XYLT1: variants seen among roughly 807,000 people sequenced by gnomAD.
The protein encoded by XYLT1 is xylosyltransferase 1, also known as beta-D-xylosyltransferase 1.
A neutral mutation model predicts 91.3 loss-of-function variants in XYLT1; 36 were observed. The observed-to-expected ratio is 0.39, with a 90% CI of 0.30 to 0.52. The LOEUF is 0.52. XYLT1 is among the 20% of genes least tolerant of loss of function. The pLI is 0.68. For synonymous variants in XYLT1, 588 were observed against 532.0 expected, an observed-to-expected ratio of 1.11 and a Z score of -1.45; for missense variants, 1,242 against 1,284.5, an observed-to-expected ratio of 0.97 and a Z score of 0.51.
chr16:17,237,115 T>C (rs1428626559), intron 3 of XYLT1, among the ~76,000 whole-genome samples: 1 of 152,198 alleles, frequency 6.6e-6, no homozygotes, highest in Non-Finnish European at 1.5e-5. Context: ...TTTGGGGATT[T>C]AAAAGATGAA....
intron 2 of XYLT1, among the ~76,000 whole-genome samples, chr16:17,328,548 CAAAAAA>C (rs71373105): frequency 3.3e-4 from 17 of 51,250 alleles, no homozygotes; most frequent in South Asian, 1.0e-3. Context: ...GACTCCTTCT[CAAAAAA>C]AAAAAAAAAA....
At chr16:17,205,129 T>C (rs997567575) in intron 3 of XYLT1, among the ~76,000 whole-genome samples, 1 of 152,242 alleles carries the variant, frequency 6.6e-6, no homozygotes, top group African/African-American at 2.4e-5. Context: ...ATATCAAGTA[T>C]ATTTTTGCAG....
chr16:17,451,739 T>C (rs1406297149), intron 1 of XYLT1, among the ~76,000 whole-genome samples: 2 of 152,126 alleles, frequency 1.3e-5, no homozygotes, highest in Non-Finnish European at 2.9e-5. Flanking sequence ...CTTAGTGAGA[T>C]AGAAGACTCT....
chr16:17,333,139 T>C (rs1008086055), intron 2 of XYLT1, among the ~76,000 whole-genome samples: 2 of 152,318 alleles, frequency 1.3e-5, no homozygotes, highest in African/African-American at 4.8e-5. Flanking sequence ...TTTCTCTGGC[T>C]CAACTCTGAC....
chr16:17,110,182 TCTC>T (rs941637114), intron 11 of XYLT1, among the ~76,000 whole-genome samples: 8 of 152,218 alleles, frequency 5.3e-5, no homozygotes, highest in African/African-American at 1.9e-4. Context: ...ATGCCTTCCT[TCTC>T]ACTTTGTGAG....
chr16:17,437,895 G>T (rs534955821), intron 1 of XYLT1, among the ~76,000 whole-genome samples: 1 of 152,258 alleles, frequency 6.6e-6, no homozygotes, highest in African/African-American at 2.4e-5. Flanking sequence ...GTTGCCGCAC[G>T]GTGCAGTCAG....
At chr16:17,363,770 C>T (rs2035412813) in intron 1 of XYLT1, among the ~76,000 whole-genome samples, 1 of 152,212 alleles carries the variant, frequency 6.6e-6, no homozygotes, top group African/African-American at 2.4e-5. Flanking sequence ...TCTTGAACTC[C>T]TGACCTCAAG....
intron 5 of XYLT1, among the ~76,000 whole-genome samples, chr16:17,166,441 G>C (rs149734455): frequency 6.6e-6 from 1 of 152,206 alleles, no homozygotes; most frequent in African/African-American, 2.4e-5. Context: ...CCGGTATGCA[G>C]GGTTCATCTC....
chr16:17,304,322 A>G (rs2034441351), intron 2 of XYLT1, among the ~76,000 whole-genome samples: 2 of 152,192 alleles, frequency 1.3e-5, no homozygotes, highest in African/African-American at 4.8e-5. Context: ...AGGCACAGGT[A>G]AGGGCAGGTG....
intron 3 of XYLT1, among the ~76,000 whole-genome samples, chr16:17,234,583 C>G (rs1321788964): frequency 6.6e-6 from 1 of 150,688 alleles, no homozygotes; most frequent in Non-Finnish European, 1.5e-5. Flanking sequence ...TCATTGACTA[C>G]TCTTTTTTTT....
intron 1 of XYLT1, among the ~76,000 whole-genome samples, chr16:17,451,067 G>A (rs2036659603): frequency 6.6e-6 from 1 of 152,158 alleles, no homozygotes; most frequent in South Asian, 2.1e-4. Flanking sequence ...GAAGGTTGTT[G>A]GACAGAGTGA....
chr16:17,337,652 A>G (rs2035000703), intron 2 of XYLT1, among the ~76,000 whole-genome samples: 1 of 152,076 alleles, frequency 6.6e-6, no homozygotes, highest in Non-Finnish European at 1.5e-5. Flanking sequence ...AAAACATCAC[A>G]AGAGGTTGTG....
chr16:17,199,470 T>C lies in XYLT1; in HGVS notation c.1086+1012A>G, dbSNP rs551545864. Among the ~76,000 whole-genome samples, 36 of 152,290 alleles carry C rather than the reference T, an allele frequency of 2.4e-4. No individual in the cohort carries two copies. In the East Asian group the frequency reaches 3.1e-3, roughly 13 times the overall value. The stretch of plus-strand genomic sequence containing the variant: ...AAAATATGTACTATCTTGCCTTCCA[T>C]AGAAAAAGTGTACGCACTCCTGGGA... On this transcript the variant is annotated intron_variant, in intron 4 of 11. Transcript: ENST00000261381.
rs112240903 is a variant in XYLT1, at chr16:17,318,514, C to T, written c.402+39498G>A. On this transcript the variant is annotated intron_variant, in intron 2 of 11. Coordinates refer to ENST00000261381, the MANE Select transcript of XYLT1 (RefSeq NM_022166.4). ...GGGTAGAAGGTCCTGGCTTGGTTCT[C>T]CAACCAGCTAAAGGCCTGTTTCCCG... Among the ~76,000 whole-genome samples the T allele has an allele frequency of 2.2e-3, 336 of 152,354 alleles. 1 individual carries two copies. The highest frequency in any genetic ancestry group is 7.7e-3 in the African/African-American group (320 of 41,578).
chr16:17,222,152 G>A (rs533474863), intron 3 of XYLT1, among the ~76,000 whole-genome samples: 1 of 152,312 alleles, frequency 6.6e-6, no homozygotes, highest in South Asian at 2.1e-4. Context: ...AGATACCTGG[G>A]AGTTAGTAAT....
chr16:17,118,220 G>C (rs762471921), intron 10 of XYLT1, among the ~76,000 whole-genome samples: 1 of 152,166 alleles, frequency 6.6e-6, no homozygotes, highest in Non-Finnish European at 1.5e-5. Flanking sequence ...GGCCTCCTGT[G>C]CCTGGTGTAT....
At chr16:17,316,848 G>A (rs1378552873) in intron 2 of XYLT1, among the ~76,000 whole-genome samples, 1 of 148,240 alleles carries the variant, frequency 6.7e-6, no homozygotes, top group Non-Finnish European at 1.5e-5. Flanking sequence ...TTGAGACGGA[G>A]TCTCGCTCTG....
At chr16:17,245,497 G>A (rs1421658456) in intron 3 of XYLT1, among the ~76,000 whole-genome samples, 1 of 152,204 alleles carries the variant, frequency 6.6e-6, no homozygotes. Flanking sequence ...TCGCCATTAA[G>A]AGTTTATCAA....
At chr16:17,368,521 G>C (rs1235220730) in intron 1 of XYLT1, among the ~76,000 whole-genome samples, 1 of 148,234 alleles carries the variant, frequency 6.7e-6, no homozygotes, top group Non-Finnish European at 1.5e-5. Context: ...CTATCCTCAT[G>C]AAGTGGCTGT....
Sources: gnomAD v4.1 joint callset for allele counts (sites outside exome capture counted in the v4.1 genomes callset) on GRCh38, gnomAD v4.1.1 for gene constraint, MANE v1.5 for transcripts, NCBI Gene and HGNC (gene_info 2026-07-23, HGNC 2026-07-21) for gene names.